ALOX5AP: variants seen among roughly 807,000 people sequenced by gnomAD.
ALOX5AP encodes the protein arachidonate 5-lipoxygenase activating protein.
A neutral mutation model predicts 18.5 loss-of-function variants in ALOX5AP; 9 were observed. The observed-to-expected ratio is 0.49, with a 90% CI of 0.29 to 0.85. The LOEUF (loss-of-function observed/expected upper bound fraction) is 0.85. Among genes scored for constraint, ALOX5AP ranks in the 40% least tolerant of loss-of-function variants. The pLI, the probability that ALOX5AP is intolerant of heterozygous loss-of-function variation, is 0.08. For synonymous variants in ALOX5AP, 81 were observed against 78.6 expected, an observed-to-expected ratio of 1.03 and a Z score of -0.16; for missense variants, 172 against 202.5, an observed-to-expected ratio of 0.85 and a Z score of 0.91.
intron 2 of ALOX5AP, among the ~76,000 whole-genome samples, chr13:30,749,234 C>G (rs953917781): frequency 6.6e-6 from 1 of 152,158 alleles, no homozygotes; most frequent in Non-Finnish European, 1.5e-5. Flanking sequence ...GTTCACATTT[C>G]TAATGAGCAA....
Position 30,719,915 on chromosome 13 carries a change from G to A in ALOX5AP, c.116+6074G>A, listed in dbSNP as rs140079869. 7.9e-3 allele frequency among the ~76,000 whole-genome samples: 1,197 copies of A among 151,814 alleles called. 7 individuals are homozygous for A. The highest frequency in any genetic ancestry group is 0.01 in the Non-Finnish European group (689 of 67,972). The stretch of plus-strand genomic sequence containing the variant: ...TCTTGCTCTGTCACTAGGCTGGAGT[G>A]CAGTGGCGTGATCTCGGCTCACTGC... On this transcript the variant is annotated intron_variant, in intron 1 of 5. Transcript: ENST00000617770.
intron 2 of ALOX5AP, 45 bp downstream of exon 2, chr13:30,744,204 G>T: frequency 6.4e-7 from 1 of 1,558,262 alleles, no homozygotes; most frequent in South Asian, 1.1e-5. Flanking sequence ...GGCATGGGCA[G>T]GGGGGCCTCC....
chr13:30,756,059 C>T (rs199890484), intron 4 of ALOX5AP, 34 bp downstream of exon 4: 44 of 1,587,030 alleles, frequency 2.8e-5, no homozygotes, highest in Non-Finnish European at 3.8e-5. Flanking sequence ...AACTGTGGAG[C>T]GATTCCTGAT....
At chr13:30,740,224 G>A (rs983742276) in intron 1 of ALOX5AP, among the ~76,000 whole-genome samples, 8 of 152,166 alleles carry the variant, frequency 5.3e-5, no homozygotes, top group Admixed American at 4.6e-4. Flanking sequence ...TGAGAACTAT[G>A]TGTCATTGCT....
intron 2 of ALOX5AP, among the ~76,000 whole-genome samples, chr13:30,747,448 C>T (rs1432490742): frequency 1.3e-5 from 2 of 152,228 alleles, no homozygotes; most frequent in Non-Finnish European, 2.9e-5. Flanking sequence ...GTTGGAATTA[C>T]AGGTGTGAGC....
At chr13:30,736,180 T>C (rs1246940336) in intron 1 of ALOX5AP, among the ~76,000 whole-genome samples, 1 of 151,490 alleles carries the variant, frequency 6.6e-6, no homozygotes, top group Non-Finnish European at 1.5e-5. Flanking sequence ...ATTACTTTTT[T>C]CTTTTTTTCT....
chr13:30,735,493 A>T (rs1951713224), upstream of ALOX5AP: 2 of 1,525,394 alleles, frequency 1.3e-6, no homozygotes, highest in East Asian at 4.8e-5. Context: ...TGTGCCGGGG[A>T]TCTTCAGAAA....
At chr13:30,738,881 G>T (rs1435550821) in intron 1 of ALOX5AP, among the ~76,000 whole-genome samples, 1 of 152,142 alleles carries the variant, frequency 6.6e-6, no homozygotes, top group Non-Finnish European at 1.5e-5. Context: ...ATAAGGGTTT[G>T]TGAGCATAGT....
chr13:30,760,499 G>A (rs2137833003), intron 4 of ALOX5AP, among the ~76,000 whole-genome samples: 1 of 152,368 alleles, frequency 6.6e-6, no homozygotes, highest in South Asian at 2.1e-4. Flanking sequence ...TTATTTAGCA[G>A]GATGCTTTTG....
Position 30,763,978 on chromosome 13 carries a change from C to T in ALOX5AP, c.358C>T (p.Leu120Phe). The T allele has an allele frequency of 6.2e-7, 1 of 1,614,128 alleles. No individual in the cohort carries two copies. The highest frequency in any genetic ancestry group is 8.5e-7 in the Non-Finnish European group (1 of 1,180,016). Reference protein sequence around the residue: ...PGYIFGKRIILFLFLMSVAGI... With the variant: ...PGYIFGKRIIFFLFLMSVAGI... ...CTACATATTTGGGAAACGCATCATA[C>T]TCTTCCTGTTCCTCATGTCCGTTGC... Residue 120 changes from leucine to phenylalanine, a missense_variant, in exon 5 of 5, where the codon CTC (leucine) becomes TTC (phenylalanine). Leu to Phe is a conservative substitution (Grantham distance 22). Coordinates refer to ENST00000380490, the MANE Select transcript of ALOX5AP (RefSeq NM_001629.4).
chr13:30,743,595 T>C (rs1951784957), intron 1 of ALOX5AP, among the ~76,000 whole-genome samples: 1 of 151,992 alleles, frequency 6.6e-6, no homozygotes, highest in Admixed American at 6.6e-5. Context: ...TATTTTGTTC[T>C]CTTAGCTTAG....
upstream of ALOX5AP, among the ~76,000 whole-genome samples, chr13:30,731,540 T>C (rs1265752197): frequency 6.6e-6 from 1 of 152,152 alleles, no homozygotes. Flanking sequence ...GTCCAGCTAA[T>C]TTACTTTTGT....
intron 1 of ALOX5AP, among the ~76,000 whole-genome samples, chr13:30,743,787 G>A (rs1337622716): frequency 6.6e-6 from 1 of 152,088 alleles, no homozygotes. Flanking sequence ...TGTGTGGAAT[G>A]TCTGCTTTCC....
intron 3 of ALOX5AP, among the ~76,000 whole-genome samples, chr13:30,753,787 G>A (rs552430800): frequency 7.2e-5 from 11 of 152,212 alleles, no homozygotes; most frequent in Non-Finnish European, 1.3e-4. Context: ...TATGAGTGTG[G>A]CCATTTTCCA....
intron 1 of ALOX5AP, among the ~76,000 whole-genome samples, chr13:30,726,692 T>C (rs1305416326): frequency 6.6e-6 from 1 of 152,094 alleles, no homozygotes; most frequent in African/African-American, 2.4e-5. Flanking sequence ...TATTAACCAG[T>C]TTATTTATTT....
At chr13:30,757,446 ATCTCTCCTAT>A (rs1490472036) in intron 4 of ALOX5AP, among the ~76,000 whole-genome samples, 2 of 152,180 alleles carry the variant, frequency 1.3e-5, no homozygotes, top group African/African-American at 4.8e-5. Flanking sequence ...CAATTCCATT[ATCTCTCCTAT>A]TCTTATCAAC....
chr13:30,738,173 T>G (rs981357949), intron 1 of ALOX5AP, among the ~76,000 whole-genome samples: 3 of 152,240 alleles, frequency 2.0e-5, no homozygotes, highest in Non-Finnish European at 4.4e-5. Flanking sequence ...TGGGTTGGGC[T>G]CTGCACTCTC....
rs534595811 is a variant in ALOX5AP at position 30,741,227 on chromosome 13, A to G, written c.71-2833A>G. ...AAGCTCCGCCTCCCGGGTTCATGCCATTCTCCTGCCTCAGCCTACAGGTGC... is the reference window on the plus strand; with the variant it reads ...AAGCTCCGCCTCCCGGGTTCATGCCGTTCTCCTGCCTCAGCCTACAGGTGC... On this transcript the variant is annotated intron_variant, in intron 1 of 4. Coordinates refer to ENST00000380490, the MANE Select transcript of ALOX5AP (RefSeq NM_001629.4). Among the ~76,000 whole-genome samples, 37 of 138,988 alleles carry G rather than the reference A, an allele frequency of 2.7e-4. No homozygotes were observed. The South Asian group carries it at 8.5e-3, about 32-fold the overall frequency. The allele number at this position is 138,988 out of a possible 152,430, so 91.2% of individuals were successfully genotyped here.
intron 1 of ALOX5AP, chr13:30,713,947 G>A (rs9508826): frequency 0.048 from 60,724 of 1,268,552 alleles, 1,733 homozygotes; most frequent in South Asian, 0.095. Flanking sequence ...TTTAAGAACC[G>A]AGGCTCCCAG....
Sources: allele counts gnomAD v4.1 joint callset (sites outside exome capture counted in the v4.1 genomes callset), GRCh38; gene constraint gnomAD v4.1.1; transcripts MANE v1.5; gene names NCBI Gene and HGNC (gene_info 2026-07-23, HGNC 2026-07-21).